The following SUN1 variants were observed in gnomAD, a reference collection of about 807,000 sequenced individuals.
SUN1 encodes SUN domain-containing protein 1.
Under a neutral mutation model 103.2 loss-of-function variants are expected in SUN1, and 61 were observed. The observed-to-expected ratio is 0.59, with a 90% CI of 0.48 to 0.73. The LOEUF (loss-of-function observed/expected upper bound fraction) is 0.73. Ranked by LOEUF, SUN1 falls within the 30% of genes least tolerant of loss-of-function variation. SUN1 has a pLI of 0.00. For missense variants in SUN1, 1,052 were observed against 1,034.6 expected (o/e 1.02, Z -0.23); for synonymous variants, 490 against 425.7 (o/e 1.15, Z -1.86).
At chr7:860,750 A>C (rs1384838873) in intron 14 of SUN1, among the ~76,000 whole-genome samples, 1 of 152,236 alleles carries the variant, frequency 6.6e-6, no homozygotes, top group Non-Finnish European at 1.5e-5. Context: ...AGAAAGGATC[A>C]TTGACTCACA....
chr7:818,004 GT>G (rs200498619), intron 1 of SUN1, among the ~76,000 whole-genome samples: 15 of 150,306 alleles, frequency 1.0e-4, no homozygotes, highest in African/African-American at 3.7e-4. Flanking sequence ...TCCCAGAGCT[GT>G]TTTTTTTTCC....
intron 3 of SUN1, chr7:842,787 A>G (rs2128302058): frequency 3.7e-6 from 1 of 267,312 alleles, no homozygotes; most frequent in Non-Finnish European, 7.3e-6. Flanking sequence ...CAGAGATCAC[A>G]TGTGCTAATT....
intron 1 of SUN1, among the ~76,000 whole-genome samples, chr7:820,515 T>C (rs1048267543): frequency 2.6e-5 from 4 of 152,222 alleles, no homozygotes; most frequent in Admixed American, 2.0e-4. Context: ...TCATGTCATC[T>C]GAGAATAAAG....
At chr7:872,097 C>T (rs1319376875) in intron 17 of SUN1, among the ~76,000 whole-genome samples, 1 of 152,178 alleles carries the variant, frequency 6.6e-6, no homozygotes, top group African/African-American at 2.4e-5. Flanking sequence ...GCCTCATCTC[C>T]CCGGGCTCAG....
chr7:871,704 C>T (rs1326263598), intron 17 of SUN1, among the ~76,000 whole-genome samples: 3 of 152,192 alleles, frequency 2.0e-5, no homozygotes, highest in Non-Finnish European at 4.4e-5. Flanking sequence ...TTTTATTTCA[C>T]TGGTGATTAT....
At chr7:851,037 C>G in intron 5 of SUN1, 1 of 187,970 alleles carries the variant, frequency 5.3e-6, no homozygotes, top group Non-Finnish European at 1.1e-5. Flanking sequence ...GTATGATCTT[C>G]CCAATATAAA....
rs866572284 is a variant in SUN1, at chr7:848,480, T to C, written c.659-2904T>C. ...GGCCAGATACACTGCATCATCTTTT[T>C]CATCATTTTTAGTTCAACTTTTTCA... is the stretch of plus-strand genomic sequence containing the variant. On this transcript the variant is annotated intron_variant, in intron 5 of 18. Transcript: ENST00000401592. The C allele has an allele frequency of 4.4e-6, 6 of 1,364,428 alleles. No homozygotes were observed. In the African/African-American group the frequency reaches 7.4e-5, roughly 17 times the overall value. 84.5% of individuals were successfully genotyped at this position (1,364,428 alleles called of 1,614,324 possible).
At chr7:848,393 A>G (rs1159658608) in intron 5 of SUN1, 2 of 1,343,148 alleles carry the variant, frequency 1.5e-6, no homozygotes, top group African/African-American at 1.5e-5. Flanking sequence ...GGAAGAAATA[A>G]CGCATGTTCA....
At chr7:868,395 G>A in intron 16 of SUN1, 1 of 266,958 alleles carries the variant, frequency 3.7e-6, no homozygotes, top group Non-Finnish European at 7.4e-6. Context: ...ACCTTGCCAG[G>A]CTGTGCTTCT....
intron 17 of SUN1, among the ~76,000 whole-genome samples, chr7:871,237 C>G (rs1348023909): frequency 6.6e-6 from 1 of 152,102 alleles, no homozygotes; most frequent in Admixed American, 6.6e-5. Flanking sequence ...TTCTAGTCTT[C>G]TTTTTGTTCA....
At position 874,311 on chromosome 7, in the gene SUN1, C is replaced by T. The variant is rs1211815928; in HGVS notation, c.*980C>T. ...ATCTGCCTTTTATCACAGCTGTCAC[C>T]ATTCTCACGTGATTCTTGTGAGACT... On this transcript the variant is annotated 3_prime_UTR_variant, in exon 19 of 19. Transcript: ENST00000401592. 6.6e-6 allele frequency: 1 copy of T among 152,636 alleles called. No individual in the cohort carries two copies. The highest frequency in any genetic ancestry group is 2.4e-5 in the African/African-American group (1 of 41,442). The allele number at this position is 152,636 out of a possible 1,614,324, so 9.5% of individuals were successfully genotyped here. A position where few individuals can be genotyped will look rare whatever the true frequency, so the allele number is the denominator to read the frequency against.
Position 856,400 on chromosome 7 carries a change from A to C in SUN1, c.1393A>C (p.Ser465Arg). 1 of 1,614,076 alleles carries C rather than the reference A, an allele frequency of 6.2e-7. No individual in the cohort carries two copies. The highest frequency in any genetic ancestry group is 8.5e-7 in the Non-Finnish European group (1 of 1,179,948). The change falls in exon 12 of 19, where the codon AGT (serine) becomes CGT (arginine). Residue 465 changes from serine to arginine, a missense_variant and splice_region_variant. Physicochemically the swap from Ser to Arg is moderately radical, Grantham distance 110. Coordinates refer to ENST00000401592, the MANE Select transcript of SUN1 (RefSeq NM_001130965.3). The part of the protein sequence containing the change: ...ELEQTKQKTI[S>R]AVGEQLLPTV... Reference sequence around the variant, plus strand: ...AGAACAGACCAAGCAAAAAACAATCAGGTAGGAGGATTTGGAAAACATTCA... The same window carrying C: ...AGAACAGACCAAGCAAAAAACAATCCGGTAGGAGGATTTGGAAAACATTCA...
intron 10 of SUN1, among the ~76,000 whole-genome samples, 172 bp from the exon 11 acceptor site, chr7:854,748 G>A (rs948497165): frequency 6.6e-6 from 1 of 152,232 alleles, no homozygotes; most frequent in African/African-American, 2.4e-5. Context: ...TGGAGCCAGG[G>A]CTGAAATAAG....
chr7:830,469 A>G (rs1394125012), upstream of SUN1, among the ~76,000 whole-genome samples: 1 of 152,222 alleles, frequency 6.6e-6, no homozygotes, highest in Non-Finnish European at 1.5e-5. Context: ...GATTCCGCAT[A>G]TTTTGTACAT....
chr7:815,984 C>A (rs922599816), upstream of SUN1: 54 of 205,336 alleles, frequency 2.6e-4, no homozygotes, highest in Non-Finnish European at 3.0e-4. Flanking sequence ...GCCCCTCCCC[C>A]AAGACGCGGA....
chr7:867,677 T>G (rs1353465904), intron 16 of SUN1, among the ~76,000 whole-genome samples: 4 of 152,204 alleles, frequency 2.6e-5, no homozygotes, highest in Non-Finnish European at 4.4e-5. Flanking sequence ...GGGACTGGAC[T>G]GAGAAACTGT....
chr7:853,491 A>G lies in SUN1; in HGVS notation c.1136A>G (p.His379Arg), dbSNP rs771668059. 5.0e-6 allele frequency: 8 copies of G among 1,613,936 alleles called. No individual in the cohort carries two copies. Among genetic ancestry groups the G allele is most frequent in the South Asian group, 2.2e-5 (2 of 91,092 alleles). Residue 379 changes from histidine to arginine, a missense_variant, in exon 10 of 19, where the codon CAT (histidine) becomes CGT (arginine). Physicochemically the swap from His to Arg is conservative, Grantham distance 29. This residue lies in a region of SUN1 where 846 missense variants were observed against 774.5 expected (regional missense o/e 1.09). Transcript: ENST00000401592. ...TCTCTGTCTGGACAGTGCCACCACC[A>G]TGGTGAGAATCTCCGAGAGCTGACC... ...VASLSGQCHH[H>R]GENLRELTTL...
At chr7:819,164 C>G (rs2128124150) in intron 1 of SUN1, among the ~76,000 whole-genome samples, 1 of 149,692 alleles carries the variant, frequency 6.7e-6, no homozygotes, top group South Asian at 2.1e-4. Context: ...TGCCTGGCCT[C>G]TTTCTCCGTT....
chr7:826,188 C>T (rs1455153300), intron 1 of SUN1, among the ~76,000 whole-genome samples: 1 of 150,680 alleles, frequency 6.6e-6, no homozygotes, highest in Admixed American at 6.6e-5. Flanking sequence ...GATCACGCCC[C>T]TGGCACTCTA....
Sources: allele counts gnomAD v4.1 joint callset (sites outside exome capture counted in the v4.1 genomes callset), GRCh38; gene constraint gnomAD v4.1.1; regional missense constraint gnomAD v4.1.1; transcripts MANE v1.5; gene names NCBI Gene and HGNC (gene_info 2026-07-23, HGNC 2026-07-21).